The following B4GALT1 variants were observed in gnomAD, a reference collection of about 807,000 sequenced individuals.
The protein encoded by B4GALT1 is N-acetyllactosamine synthase.
B4GALT1 carries 16 observed loss-of-function variants against 34.9 expected under a neutral mutation model. The ratio of observed to expected loss-of-function variants is 0.46; its 90% CI spans 0.31 to 0.70. B4GALT1 has a LOEUF of 0.70. B4GALT1 is among the 30% of genes least tolerant of loss of function. The pLI is 0.05. For missense variants in B4GALT1, 445 were observed against 530.5 expected, an observed-to-expected ratio of 0.84 and a Z score of 1.58; for synonymous variants, 221 against 218.1, an observed-to-expected ratio of 1.01 and a Z score of -0.12.
chr9:33,141,592 A>G (rs1840351178), intron 1 of B4GALT1, among the ~76,000 whole-genome samples: 1 of 152,222 alleles, frequency 6.6e-6, no homozygotes, highest in Non-Finnish European at 1.5e-5. Flanking sequence ...TAAGTGTGAC[A>G]GGTAACAAAC....
intron 2 of B4GALT1, among the ~76,000 whole-genome samples, chr9:33,128,963 C>T (rs984237374): frequency 1.3e-5 from 2 of 152,210 alleles, no homozygotes; most frequent in Non-Finnish European, 2.9e-5. Flanking sequence ...CCATCCTCAA[C>T]CAGCCTGGAA....
chr9:33,135,891 G>GAC, intron 1 of B4GALT1, among the ~76,000 whole-genome samples: 1 of 66,782 alleles, frequency 1.5e-5, no homozygotes, highest in East Asian at 3.2e-4. Flanking sequence ...AACTGGGGAA[G>GAC]TGTGTGTGTG....
At chr9:33,129,647 C>T (rs1268924474) in intron 2 of B4GALT1, among the ~76,000 whole-genome samples, 3 of 152,140 alleles carry the variant, frequency 2.0e-5, no homozygotes, top group Non-Finnish European at 2.9e-5. Flanking sequence ...ACTCAGAGTC[C>T]GGGGGCTGGG....
downstream of B4GALT1, among the ~76,000 whole-genome samples, chr9:33,106,545 G>A (rs1469181438): frequency 6.6e-6 from 1 of 152,224 alleles, no homozygotes; most frequent in African/African-American, 2.4e-5. Flanking sequence ...AAGCACTTCT[G>A]AGGGACAGCA....
At chr9:33,168,815 G>T (rs1003938960), upstream of B4GALT1, among the ~76,000 whole-genome samples, 10 of 152,180 alleles carry the variant, frequency 6.6e-5, no homozygotes, top group African/African-American at 2.4e-4. Context: ...CTGACCTCCA[G>T]ATTCAACTGC....
the B4GALT1 span, among the ~76,000 whole-genome samples, chr9:33,183,528 G>A: frequency 1.4e-4 from 19 of 135,890 alleles, no homozygotes; most frequent in African/African-American, 4.7e-4. Flanking sequence ...GTAAACTATC[G>A]CAAGAACAAA....
At chr9:33,123,100 A>G (rs529851970) in intron 2 of B4GALT1, among the ~76,000 whole-genome samples, 1 of 152,192 alleles carries the variant, frequency 6.6e-6, no homozygotes, top group South Asian at 2.1e-4. Context: ...CAACATGGCG[A>G]AAGCCCGTCT....
chr9:33,151,363 C>A (rs1019882091), intron 1 of B4GALT1, among the ~76,000 whole-genome samples: 1 of 152,094 alleles, frequency 6.6e-6, no homozygotes, highest in South Asian at 2.1e-4. Flanking sequence ...GTTTTGGAGC[C>A]CCAGCAGATT....
chr9:33,115,751 C>T (rs1261527905), intron 4 of B4GALT1, among the ~76,000 whole-genome samples: 2 of 152,186 alleles, frequency 1.3e-5, no homozygotes, highest in African/African-American at 4.8e-5. Flanking sequence ...AGTAAACTTG[C>T]CCCGTCACTT....
chr9:33,104,303 C>T (rs968741529), exon 3 of B4GALT1: 2 of 155,446 alleles, frequency 1.3e-5, no homozygotes, highest in African/African-American at 4.8e-5. Context: ...TAATCCAGCC[C>T]CCAGCTTGTC....
chr9:33,114,438 G>A (rs1839910960), intron 4 of B4GALT1, among the ~76,000 whole-genome samples: 1 of 152,208 alleles, frequency 6.6e-6, no homozygotes, highest in East Asian at 1.9e-4. Flanking sequence ...GGGCTGAAAA[G>A]GGCCAGGCTA....
At chr9:33,134,874 A>G (rs1304351191) in intron 2 of B4GALT1, among the ~76,000 whole-genome samples, 1 of 152,266 alleles carries the variant, frequency 6.6e-6, no homozygotes, top group Admixed American at 6.5e-5. Context: ...AAGCCAGGGA[A>G]TAATCAGTGT....
At chr9:33,143,240 T>C (rs1308708963) in intron 1 of B4GALT1, among the ~76,000 whole-genome samples, 1 of 152,198 alleles carries the variant, frequency 6.6e-6, no homozygotes, top group African/African-American at 2.4e-5. Flanking sequence ...CTAGACCAAC[T>C]GGGCACAGTG....
At chr9:33,151,026 T>C (rs1840510046) in intron 1 of B4GALT1, among the ~76,000 whole-genome samples, 1 of 152,158 alleles carries the variant, frequency 6.6e-6, no homozygotes. Context: ...TGGAGCTGGA[T>C]GTGTCCTTCC....
the B4GALT1 span, among the ~76,000 whole-genome samples, chr9:33,180,336 C>T: frequency 4.6e-5 from 7 of 152,166 alleles, no homozygotes; most frequent in African/African-American, 7.2e-5. Context: ...GGGGTCTAAG[C>T]AACAGAATAG....
chr9:33,104,398 A>G (rs1013216), exon 3 of B4GALT1: 118,144 of 160,810 alleles, frequency 0.73, 45,007 homozygotes, highest in South Asian at 0.85. Flanking sequence ...TGGGAGTAAG[A>G]GGCTCCTTGC....
chr9:33,136,450 G>A (rs1050575197), intron 1 of B4GALT1, among the ~76,000 whole-genome samples: 1 of 152,144 alleles, frequency 6.6e-6, no homozygotes, highest in African/African-American at 2.4e-5. Context: ...ACTCTCTGCA[G>A]ACCAGACCGC....
chr9:33,142,609 C>A (rs939633080), intron 1 of B4GALT1, among the ~76,000 whole-genome samples: 1 of 152,126 alleles, frequency 6.6e-6, no homozygotes, highest in Non-Finnish European at 1.5e-5. Flanking sequence ...TTCCCTAGGA[C>A]CTCTTTTTCT....
chr9:33,152,056 G>A (rs1840524230), intron 1 of B4GALT1, among the ~76,000 whole-genome samples: 1 of 152,018 alleles, frequency 6.6e-6, no homozygotes, highest in African/African-American at 2.4e-5. Flanking sequence ...AGTGGCTCAC[G>A]CCTGTAACCC....
Sources: gnomAD v4.1 joint callset for allele counts (sites outside exome capture counted in the v4.1 genomes callset) on GRCh38, gnomAD v4.1.1 for gene constraint, MANE v1.5 for transcripts, NCBI Gene and HGNC (gene_info 2026-07-23, HGNC 2026-07-21) for gene names.